CD44: variants seen among roughly 807,000 people sequenced by gnomAD.
CD44 encodes the protein CD44 molecule (IN blood group), also known as CD44 antigen.
In CD44, 49 loss-of-function variants were observed where a neutral mutation model predicts 88.8. The ratio of observed to expected loss-of-function variants is 0.55; its 90% CI spans 0.44 to 0.70. The LOEUF (loss-of-function observed/expected upper bound fraction) is 0.70. Ranked by LOEUF, CD44 falls within the 30% of genes least tolerant of loss-of-function variation. The pLI, the probability that CD44 is intolerant of heterozygous loss-of-function variation, is 0.00. For synonymous variants in CD44, 325 were observed against 312.3 expected, an observed-to-expected ratio of 1.04 and a Z score of -0.43; for missense variants, 883 against 913.8, an observed-to-expected ratio of 0.97 and a Z score of 0.43.
At chr11:35,224,803 G>A (rs972619533) in intron 17 of CD44, among the ~76,000 whole-genome samples, 5 of 152,046 alleles carry the variant, frequency 3.3e-5, no homozygotes, top group Non-Finnish European at 7.4e-5. Flanking sequence ...AAAAACATGA[G>A]AACTTTACTA....
intron 1 of CD44, among the ~76,000 whole-genome samples, chr11:35,143,726 C>CTGGCCTGTCTCTCCCCAGGTT (rs144619321): frequency 0.069 from 10,440 of 152,046 alleles, 775 homozygotes; most frequent in African/African-American, 0.19. Context: ...CTGCCCTGCC[C>CTGGCCTGTCTCTCCCCAGGTT]TGGCCTGTCT....
chr11:35,219,294 G>A (rs1949098354), intron 15 of CD44, 22 bp from the exon 16 acceptor site: 1 of 1,600,094 alleles, frequency 6.2e-7, no homozygotes, highest in Admixed American at 1.7e-5. Context: ...CTTTGGTTGA[G>A]AGATGTTGTT....
chr11:35,205,517 A>T (rs1436181479), intron 10 of CD44, among the ~76,000 whole-genome samples: 1 of 152,118 alleles, frequency 6.6e-6, no homozygotes, highest in Non-Finnish European at 1.5e-5. Flanking sequence ...TTCTACCTAT[A>T]CTTCTTCATT....
rs1050300527 is a variant in CD44 at position 35,229,246 on chromosome 11, C to T, written c.2142C>T (p.Asn714=). The T allele has an allele frequency of 3.1e-6, 5 of 1,613,954 alleles. No individual in the cohort carries two copies. In the East Asian group the frequency reaches 6.7e-5, roughly 22 times the overall value. Residue 714 remains asparagine, a synonymous_variant, in exon 18 of 18, where the codon AAC becomes AAT. Coordinates refer to ENST00000428726, the MANE Select transcript of CD44 (RefSeq NM_000610.4). ...CTCAGGAAATGGTGCATTTGGTGAA[C>T]AAGGAGTCGTCAGAAACTCCAGACC... ...SKSQEMVHLV[N]KESSETPDQF...
At chr11:35,228,711 A>T (rs1348654984) in intron 17 of CD44, among the ~76,000 whole-genome samples, 3 of 152,130 alleles carry the variant, frequency 2.0e-5, no homozygotes, top group Non-Finnish European at 4.4e-5. Context: ...TAATAATAAC[A>T]CCGGCTTCCT....
rs1591377794 is a variant in CD44, at chr11:35,231,243, C to T, written c.*1910C>T. The T allele has an allele frequency of 2.0e-5, 3 of 152,584 alleles. No individual in the cohort carries two copies. The highest frequency in any genetic ancestry group is 4.1e-4 in the South Asian group (2 of 4,832). The allele number at this position is 152,584 out of a possible 1,614,324, so 9.5% of individuals were successfully genotyped here. ...ATGTGTTGTTACTGCCACTAGTGTTCAAGTGCCTCTTGTTTTCCCAGAGAT... is the reference window on the plus strand; with the variant it reads ...ATGTGTTGTTACTGCCACTAGTGTTTAAGTGCCTCTTGTTTTCCCAGAGAT... On this transcript the variant is annotated 3_prime_UTR_variant, in exon 18 of 18. Transcript: ENST00000428726.
At chr11:35,193,694 G>C (rs1210079557) in intron 5 of CD44, among the ~76,000 whole-genome samples, 1 of 152,180 alleles carries the variant, frequency 6.6e-6, no homozygotes, top group Non-Finnish European at 1.5e-5. Flanking sequence ...TCAAACTTGA[G>C]AGTCGAATGA....
intron 17 of CD44, among the ~76,000 whole-genome samples, chr11:35,227,511 A>T (rs1949789371): frequency 6.6e-6 from 1 of 152,150 alleles, no homozygotes; most frequent in South Asian, 2.1e-4. Context: ...TTGACCATGC[A>T]TCCTGCTGGA....
At chr11:35,186,494 G>T (rs1367619033) in intron 3 of CD44, among the ~76,000 whole-genome samples, 4 of 151,910 alleles carry the variant, frequency 2.6e-5, no homozygotes. Flanking sequence ...TCCCTAATGT[G>T]TTTGCATTAG....
chr11:35,170,903 T>C (rs958430337), intron 1 of CD44, among the ~76,000 whole-genome samples: 1 of 152,218 alleles, frequency 6.6e-6, no homozygotes, highest in South Asian at 2.1e-4. Context: ...CATCTTAACC[T>C]TGCCTTAATT....
At position 35,180,415 on chromosome 11, in the gene CD44, C is replaced by G. The variant is rs1220939293; in HGVS notation, c.367+8C>G. 1 of 1,614,010 alleles carries G rather than the reference C, an allele frequency of 6.2e-7. No individual in the cohort carries two copies. The highest frequency in any genetic ancestry group is 1.7e-5 in the Admixed American group (1 of 60,014). On this transcript the variant is annotated splice_region_variant and intron_variant, in intron 3 of 17. Transcript: ENST00000428726. ...ATTGCTTCAATGCTTCAGGTTGGTT[C>G]TCAGGGGGGTGTCTGTTGGCGTGAA...
At chr11:35,154,676 G>C (rs535774406) in intron 1 of CD44, among the ~76,000 whole-genome samples, 1 of 152,280 alleles carries the variant, frequency 6.6e-6, no homozygotes, top group South Asian at 2.1e-4. Flanking sequence ...GGGCAGGAGA[G>C]ACAGAGATGG....
chr11:35,148,377 G>C (rs1003241703), intron 1 of CD44, among the ~76,000 whole-genome samples: 4 of 152,218 alleles, frequency 2.6e-5, no homozygotes, highest in African/African-American at 7.2e-5. Flanking sequence ...CCTGCAAGAG[G>C]GGGAGGGGAA....
At chr11:35,139,739 C>T in intron 1 of CD44, 1 of 513,432 alleles carries the variant, frequency 1.9e-6, no homozygotes, top group Non-Finnish European at 3.8e-6. Flanking sequence ...CCAAGCCCCA[C>T]CGGGCTGTGT....
intron 9 of CD44, 80 bp from the exon 10 acceptor site, chr11:35,204,432 C>T (rs181556238): frequency 1.4e-6 from 2 of 1,441,208 alleles, no homozygotes; most frequent in East Asian, 4.6e-5. Context: ...TGTATCTGCC[C>T]TTAAAGTAGA....
rs8193 is a variant in CD44 at position 35,229,771 on chromosome 11, C to T, written c.*438C>T. The T allele has an allele frequency of 0.3, 52,884 of 175,070 alleles. 9,503 individuals are homozygous for T. Among genetic ancestry groups the T allele is most frequent in the South Asian group, 0.58 (3,957 of 6,832 alleles). 10.8% of individuals were successfully genotyped at this position (175,070 alleles called of 1,614,324 possible). On this transcript the variant is annotated 3_prime_UTR_variant, in exon 18 of 18. Transcript: ENST00000428726. Reference sequence around the variant, plus strand: ...TCCATAGCCTAATCCCTGGGCATTGCTTTCCACTGAGGTTGGGGGTTGGGG... The same window carrying T: ...TCCATAGCCTAATCCCTGGGCATTGTTTTCCACTGAGGTTGGGGGTTGGGG...
At chr11:35,168,067 T>C (rs1257424016) in intron 1 of CD44, among the ~76,000 whole-genome samples, 2 of 152,222 alleles carry the variant, frequency 1.3e-5, no homozygotes, top group Non-Finnish European at 2.9e-5. Flanking sequence ...TTAGTGAAGT[T>C]TGTTCCACTG....
At chr11:35,145,311 A>C (rs1234974033) in intron 1 of CD44, among the ~76,000 whole-genome samples, 2 of 152,198 alleles carry the variant, frequency 1.3e-5, no homozygotes, top group African/African-American at 4.8e-5. Flanking sequence ...AAAAGTCATG[A>C]TATCTATATA....
chr11:35,200,721 A>T (rs932449581), intron 7 of CD44: 1 of 222,658 alleles, frequency 4.5e-6, no homozygotes, highest in Non-Finnish European at 9.2e-6. Flanking sequence ...GTGCAGAGGG[A>T]TACTACAGAC....
Sources: gnomAD v4.1 joint callset for allele counts (sites outside exome capture counted in the v4.1 genomes callset) on GRCh38, gnomAD v4.1.1 for gene constraint, MANE v1.5 for transcripts, NCBI Gene and HGNC (gene_info 2026-07-23, HGNC 2026-07-21) for gene names.